The following TOX variants were observed in gnomAD, a reference collection of about 807,000 sequenced individuals.
The protein encoded by TOX is thymocyte selection-associated high mobility group box protein TOX.
A neutral mutation model predicts 53.7 loss-of-function variants in TOX; 11 were observed. That is an observed-to-expected ratio of 0.20 (90% CI 0.13 to 0.34). The LOEUF (loss-of-function observed/expected upper bound fraction) is 0.34. Among genes scored for constraint, TOX ranks in the 10% least tolerant of loss-of-function variants. The probability of loss-of-function intolerance (pLI) is 1.00; values close to 1 mark genes in which losing one functional copy is unlikely to be tolerated. For missense variants in TOX, 570 were observed against 664.6 expected (o/e 0.86, Z 1.56); for synonymous variants, 225 against 245.3 (o/e 0.92, Z 0.77).
At chr8:59,029,966 T>C (rs547379853) in intron 1 of TOX, among the ~76,000 whole-genome samples, 78 of 152,294 alleles carry the variant, frequency 5.1e-4, no homozygotes, top group African/African-American at 1.7e-3. Flanking sequence ...GTTTCTCTCA[T>C]CTTCTGATTG....
intron 3 of TOX, among the ~76,000 whole-genome samples, chr8:58,890,767 A>G (rs935832244): frequency 2.0e-5 from 3 of 152,178 alleles, no homozygotes; most frequent in Non-Finnish European, 4.4e-5. Flanking sequence ...ATTTGAAGTC[A>G]TGGAACTTGA....
chr8:58,881,672 C>T (rs935718268), intron 3 of TOX, among the ~76,000 whole-genome samples: 1 of 138,020 alleles, frequency 7.2e-6, no homozygotes, highest in African/African-American at 2.8e-5. Context: ...TGCAGTGAGC[C>T]GAGATCACAC....
At chr8:58,990,845 A>T (rs1200746023) in intron 1 of TOX, among the ~76,000 whole-genome samples, 1 of 152,182 alleles carries the variant, frequency 6.6e-6, no homozygotes, top group Admixed American at 6.5e-5. Flanking sequence ...GGCCACAGTT[A>T]GGCTAAATGT....
intron 3 of TOX, among the ~76,000 whole-genome samples, chr8:58,904,611 C>T (rs1811784000): frequency 6.6e-6 from 1 of 152,150 alleles, no homozygotes; most frequent in African/African-American, 2.4e-5. Context: ...CTCCAGTAAT[C>T]ACTTTTATTT....
chr8:58,882,540 G>A (rs1308463176), intron 3 of TOX, among the ~76,000 whole-genome samples: 5 of 152,210 alleles, frequency 3.3e-5, no homozygotes, highest in Non-Finnish European at 7.3e-5. Flanking sequence ...CTCTGCAATT[G>A]TCTAAGCTTT....
chr8:59,079,620 C>T (rs1004964020), intron 1 of TOX, among the ~76,000 whole-genome samples: 7 of 152,216 alleles, frequency 4.6e-5, no homozygotes, highest in Admixed American at 4.6e-4. Context: ...TACCCTCCAC[C>T]TAGATTTCCG....
chr8:58,807,044 AAAAT>A lies in TOX; in HGVS notation c.*699_*702del, dbSNP rs1277289807. ...CAAAAAAGCAATTTTTCTGCAGTAC[AAAAT>A]AAATGTGTTTGCGCTTCCCTTAATA... On this transcript the variant is annotated 3_prime_UTR_variant, in exon 9 of 9. Transcript: ENST00000361421. The A allele has an allele frequency of 1.3e-5, 2 of 152,672 alleles. No homozygotes were observed. The highest frequency in any genetic ancestry group is 1.3e-4 in the Admixed American group (2 of 15,284). 9.5% of individuals were successfully genotyped at this position (152,672 alleles called of 1,614,324 possible). A position where few individuals can be genotyped will look rare whatever the true frequency, so the allele number is the denominator to read the frequency against.
At chr8:58,808,342 C>A (rs1810023833) in intron 7 of TOX, 73 bp from the exon 8 acceptor site, 9 of 1,532,266 alleles carry the variant, frequency 5.9e-6, no homozygotes, top group Non-Finnish European at 7.9e-6. Context: ...AATATTTATT[C>A]ATTCTTTGCA....
chr8:59,092,102 A>T (rs1010219859), intron 1 of TOX, among the ~76,000 whole-genome samples: 5 of 150,752 alleles, frequency 3.3e-5, no homozygotes, highest in Admixed American at 6.6e-5. Flanking sequence ...ATACAAAAAA[A>T]TTAGCTGGGA....
intron 1 of TOX, among the ~76,000 whole-genome samples, chr8:59,015,582 T>C (rs1813993009): frequency 1.3e-5 from 2 of 152,200 alleles, no homozygotes; most frequent in African/African-American, 2.4e-5. Flanking sequence ...GTAATTACGA[T>C]TATAAAATGT....
At chr8:59,114,003 A>C (rs1165660688) in intron 1 of TOX, among the ~76,000 whole-genome samples, 1 of 152,160 alleles carries the variant, frequency 6.6e-6, no homozygotes, top group Admixed American at 6.5e-5. Flanking sequence ...CATCACAAAA[A>C]ACGTATGACC....
At chr8:59,044,796 C>T (rs556916703) in intron 1 of TOX, among the ~76,000 whole-genome samples, 1 of 152,320 alleles carries the variant, frequency 6.6e-6, no homozygotes, top group East Asian at 1.9e-4. Flanking sequence ...GCATCACTCA[C>T]TTAAATGTCC....
intron 2 of TOX, among the ~76,000 whole-genome samples, chr8:58,949,110 A>G (rs1812575589): frequency 6.6e-6 from 1 of 152,210 alleles, no homozygotes; most frequent in Non-Finnish European, 1.5e-5. Context: ...ATAGTCTCCA[A>G]TTCATTAAGG....
chr8:58,836,891 C>T (rs1810555171), intron 5 of TOX, among the ~76,000 whole-genome samples: 1 of 152,108 alleles, frequency 6.6e-6, no homozygotes, highest in Non-Finnish European at 1.5e-5. Context: ...GTGCCTGGCA[C>T]ATAAGTGCTC....
At chr8:58,832,515 A>T (rs1235339371) in intron 5 of TOX, among the ~76,000 whole-genome samples, 4 of 152,162 alleles carry the variant, frequency 2.6e-5, no homozygotes, top group Non-Finnish European at 5.9e-5. Context: ...ATAAAGGGGA[A>T]AAAGAAACCC....
chr8:58,962,690 C>T (rs567474746), intron 1 of TOX, among the ~76,000 whole-genome samples: 6 of 152,172 alleles, frequency 3.9e-5, no homozygotes, highest in South Asian at 2.1e-4. Flanking sequence ...TCTGTGGTCC[C>T]AGCTACTTGG....
At chr8:58,880,793 C>T (rs972764081) in intron 3 of TOX, among the ~76,000 whole-genome samples, 5 of 152,104 alleles carry the variant, frequency 3.3e-5, no homozygotes, top group Admixed American at 6.5e-5. Flanking sequence ...GGCTTAACAT[C>T]GCATTACTTG....
intron 2 of TOX, among the ~76,000 whole-genome samples, chr8:58,943,629 A>G (rs1160296082): frequency 1.4e-5 from 2 of 144,172 alleles, no homozygotes; most frequent in Non-Finnish European, 3.1e-5. Context: ...AAAAAAAAAA[A>G]ACAAACAAAT....
At chr8:58,892,127 T>C (rs1234841539) in intron 3 of TOX, among the ~76,000 whole-genome samples, 1 of 152,186 alleles carries the variant, frequency 6.6e-6, no homozygotes, top group East Asian at 1.9e-4. Flanking sequence ...AACAATTGAC[T>C]GTTGTTATAA....
Sources: gnomAD v4.1 joint callset for allele counts (sites outside exome capture counted in the v4.1 genomes callset) on GRCh38, gnomAD v4.1.1 for gene constraint, MANE v1.5 for transcripts, NCBI Gene and HGNC (gene_info 2026-07-23, HGNC 2026-07-21) for gene names.